The following LRMDA variants were observed in gnomAD, a reference collection of about 807,000 sequenced individuals.
LRMDA encodes the protein leucine-rich melanocyte differentiation-associated protein.
A neutral mutation model predicts 29.8 loss-of-function variants in LRMDA; 18 were observed. The observed-to-expected ratio is 0.60, with a 90% CI of 0.42 to 0.90. The LOEUF (loss-of-function observed/expected upper bound fraction) is 0.90. Among genes scored for constraint, LRMDA ranks in the 40% least tolerant of loss-of-function variants. LRMDA has a pLI of 0.00. For synonymous variants in LRMDA, 125 were observed against 109.4 expected, an observed-to-expected ratio of 1.14 and a Z score of -0.89; for missense variants, 273 against 273.9, an observed-to-expected ratio of 1.00 and a Z score of 0.02.
intron 2 of LRMDA, among the ~76,000 whole-genome samples, chr10:75,578,238 A>AAAAAAAAAAAAAAAAAAAAAAAAAAAC (rs1564805418): frequency 1.4e-5 from 2 of 147,940 alleles, no homozygotes; most frequent in Non-Finnish European, 1.5e-5. Context: ...AAAAAAAAAA[A>AAAAAAAAAAAAAAAAAAAAAAAAAAAC]AGCAGCAGTT....
intron 6 of LRMDA, among the ~76,000 whole-genome samples, chr10:76,473,105 C>T (rs1842634306): frequency 6.6e-6 from 1 of 151,328 alleles, no homozygotes; most frequent in Non-Finnish European, 1.5e-5. Context: ...AATGAAAAAT[C>T]CTTAACAAAT....
At chr10:76,159,015 T>A (rs143542942) in intron 5 of LRMDA, among the ~76,000 whole-genome samples, 1 of 152,018 alleles carries the variant, frequency 6.6e-6, no homozygotes, top group Non-Finnish European at 1.5e-5. Flanking sequence ...TTAAAGAAAA[T>A]CATATGGTAA....
intron 1 of LRMDA, 26 bp downstream of exon 1, chr10:75,431,780 G>C (rs545035538): frequency 7.4e-7 from 1 of 1,347,144 alleles, no homozygotes; most frequent in Non-Finnish European, 9.6e-7. Flanking sequence ...CCCCGCCTCC[G>C]CCCGGGGCGC....
chr10:76,138,221 T>C (rs1850133044), intron 5 of LRMDA, among the ~76,000 whole-genome samples: 1 of 152,108 alleles, frequency 6.6e-6, no homozygotes, highest in Admixed American at 6.5e-5. Flanking sequence ...AGTGTACCCC[T>C]CAATAACAGC....
intron 5 of LRMDA, among the ~76,000 whole-genome samples, chr10:76,227,968 A>T (rs1023149957): frequency 2.6e-5 from 4 of 152,026 alleles, no homozygotes; most frequent in Non-Finnish European, 4.4e-5. Context: ...GTGCTCACAG[A>T]GTTCAACCAG....
chr10:75,774,701 T>C (rs1260896154), intron 2 of LRMDA, among the ~76,000 whole-genome samples: 7 of 152,166 alleles, frequency 4.6e-5, no homozygotes, highest in African/African-American at 7.2e-5. Flanking sequence ...TCAAACACTT[T>C]TTTTTTTGCT....
chr10:75,607,806 G>A (rs555673382), intron 2 of LRMDA, among the ~76,000 whole-genome samples: 94 of 147,816 alleles, frequency 6.4e-4, no homozygotes, highest in African/African-American at 2.3e-3. Flanking sequence ...CCCCACTCCT[G>A]GAGATTTTGA....
intron 2 of LRMDA, among the ~76,000 whole-genome samples, chr10:75,511,741 G>A (rs921026234): frequency 1.3e-5 from 2 of 152,168 alleles, no homozygotes; most frequent in Non-Finnish European, 2.9e-5. Flanking sequence ...AAGACACTTG[G>A]ACTGTTGTCT....
chr10:76,251,322 G>T (rs1419752008), intron 5 of LRMDA, among the ~76,000 whole-genome samples: 1 of 134,004 alleles, frequency 7.5e-6, no homozygotes, highest in Non-Finnish European at 1.5e-5. Flanking sequence ...GCGCAATCTC[G>T]GCTCACTGCA....
At chr10:76,522,934 T>C (rs1192681846) in intron 6 of LRMDA, among the ~76,000 whole-genome samples, 2 of 152,138 alleles carry the variant, frequency 1.3e-5, no homozygotes, top group East Asian at 1.9e-4. Context: ...CTGTGGGCTC[T>C]TTCATGGACA....
At chr10:76,518,205 A>G (rs1010714042) in intron 6 of LRMDA, among the ~76,000 whole-genome samples, 1 of 151,912 alleles carries the variant, frequency 6.6e-6, no homozygotes, top group African/African-American at 2.4e-5. Flanking sequence ...GGCAACCAAA[A>G]CAAAATGAGA....
intron 2 of LRMDA, among the ~76,000 whole-genome samples, chr10:76,013,919 G>A (rs1160944987): frequency 6.6e-6 from 1 of 150,838 alleles, no homozygotes; most frequent in Non-Finnish European, 1.5e-5. Flanking sequence ...CTGGCTGCTT[G>A]AACCTTCTCA....
chr10:75,570,769 G>T (rs1840428694), intron 2 of LRMDA, among the ~76,000 whole-genome samples: 2 of 152,148 alleles, frequency 1.3e-5, no homozygotes, highest in Admixed American at 6.5e-5. Context: ...GCCAGTCCTG[G>T]TACTACTGAC....
intron 6 of LRMDA, among the ~76,000 whole-genome samples, chr10:76,448,745 T>A (rs1179225771): frequency 1.3e-5 from 2 of 152,056 alleles, no homozygotes; most frequent in Non-Finnish European, 2.9e-5. Flanking sequence ...CATGCATTTT[T>A]TCTTCTTTAG....
At chr10:75,928,360 C>A (rs532970384) in intron 2 of LRMDA, among the ~76,000 whole-genome samples, 1 of 151,528 alleles carries the variant, frequency 6.6e-6, no homozygotes, top group Non-Finnish European at 1.5e-5. Flanking sequence ...AGCAGGATTG[C>A]GTGATACAAT....
At chr10:75,897,024 C>A (rs1465315941) in intron 2 of LRMDA, among the ~76,000 whole-genome samples, 3 of 152,148 alleles carry the variant, frequency 2.0e-5, no homozygotes, top group African/African-American at 7.2e-5. Flanking sequence ...CTGTTCAGGG[C>A]AGATTTACAC....
chr10:75,619,171 G>A (rs908812746), intron 2 of LRMDA, among the ~76,000 whole-genome samples: 4 of 152,100 alleles, frequency 2.6e-5, no homozygotes, highest in Admixed American at 2.6e-4. Flanking sequence ...CATTGAGTAG[G>A]CTGAGGAGAA....
intron 5 of LRMDA, among the ~76,000 whole-genome samples, chr10:76,302,202 A>G (rs967596566): frequency 3.9e-5 from 6 of 152,138 alleles, no homozygotes; most frequent in Non-Finnish European, 7.4e-5. Flanking sequence ...CAGCACAACT[A>G]AATTTAGTAG....
At chr10:76,284,973 A>T (rs1840253584) in intron 5 of LRMDA, among the ~76,000 whole-genome samples, 1 of 152,138 alleles carries the variant, frequency 6.6e-6, no homozygotes, top group Admixed American at 6.6e-5. Context: ...TTTATAAATT[A>T]CCCAGTCTCA....
Sources: allele counts gnomAD v4.1 joint callset (sites outside exome capture counted in the v4.1 genomes callset), GRCh38; gene constraint gnomAD v4.1.1; transcripts MANE v1.5; gene names NCBI Gene and HGNC (gene_info 2026-07-23, HGNC 2026-07-21).